RBMS3: variants seen among roughly 807,000 people sequenced by gnomAD.
RBMS3 encodes RNA binding motif single stranded interacting protein 3.
Under a neutral mutation model 66.8 loss-of-function variants are expected in RBMS3, and 27 were observed. The observed-to-expected ratio is 0.40, with a 90% CI of 0.30 to 0.56. The LOEUF (loss-of-function observed/expected upper bound fraction) is 0.56. Ranked by LOEUF, RBMS3 falls within the 20% of genes least tolerant of loss-of-function variation. The pLI, the probability that RBMS3 is intolerant of heterozygous loss-of-function variation, is 0.40. For missense variants in RBMS3, 513 were observed against 549.5 expected, an observed-to-expected ratio of 0.93 and a Z score of 0.66; for synonymous variants, 188 against 183.0, an observed-to-expected ratio of 1.03 and a Z score of -0.22.
At chr3:29,395,723 G>A (rs773445914) in intron 1 of RBMS3, among the ~76,000 whole-genome samples, 5 of 152,108 alleles carry the variant, frequency 3.3e-5, no homozygotes, top group Non-Finnish European at 5.9e-5. Flanking sequence ...ACAAAGACAT[G>A]TTTTAAACAT....
At chr3:29,309,012 T>C (rs2034206647) in intron 1 of RBMS3, among the ~76,000 whole-genome samples, 1 of 151,732 alleles carries the variant, frequency 6.6e-6, no homozygotes, top group African/African-American at 2.4e-5. Context: ...CAAGTCAGAA[T>C]TGAATTTATA....
At chr3:29,550,190 T>C (rs990389145) in intron 3 of RBMS3, among the ~76,000 whole-genome samples, 2 of 152,190 alleles carry the variant, frequency 1.3e-5, no homozygotes, top group African/African-American at 4.8e-5. Context: ...ACATTTCAGT[T>C]TTTTTCTGTG....
chr3:29,471,512 G>T (rs535840685), intron 2 of RBMS3, among the ~76,000 whole-genome samples: 1 of 152,206 alleles, frequency 6.6e-6, no homozygotes, highest in Non-Finnish European at 1.5e-5. Context: ...TCATTTTGTT[G>T]TTAGGTGAAT....
intron 6 of RBMS3, among the ~76,000 whole-genome samples, chr3:29,847,775 C>T (rs1236351237): frequency 6.6e-6 from 1 of 152,134 alleles, no homozygotes; most frequent in Non-Finnish European, 1.5e-5. Flanking sequence ...CCTGCCTCAG[C>T]CTCCCAAGTA....
rs1466360211 is a variant in RBMS3 at position 29,587,127 on chromosome 3, A to G, written c.321A>G (p.Val107=). 2 of 1,604,080 alleles carry G rather than the reference A, an allele frequency of 1.2e-6. No individual in the cohort carries two copies. The highest frequency in any genetic ancestry group is 2.3e-5 in the East Asian group (1 of 44,076). ...GTGTTTTCACAGGTTATGGTTTTGT[A>G]GATTTTGACAGTCCTGCAGCCGCAC... ...NTNQCKGYGF[V]DFDSPAAAQK... Residue 107 remains valine (V), a synonymous_variant, in exon 4 of 15, where the codon GTA becomes GTG. Transcript: ENST00000383767.
At chr3:29,580,020 TGTTTA>T (rs2047269387) in intron 3 of RBMS3, among the ~76,000 whole-genome samples, 1 of 152,226 alleles carries the variant, frequency 6.6e-6, no homozygotes. Context: ...TTTGAATTTG[TGTTTA>T]GTTTAATAAG....
chr3:29,659,278 G>A (rs1329714566), intron 4 of RBMS3, among the ~76,000 whole-genome samples: 1 of 152,122 alleles, frequency 6.6e-6, no homozygotes, highest in African/African-American at 2.4e-5. Context: ...ATAGTTTAGT[G>A]GTATTAAGTG....
At chr3:29,421,468 C>T (rs72853312) in intron 1 of RBMS3, among the ~76,000 whole-genome samples, 2 of 151,966 alleles carry the variant, frequency 1.3e-5, no homozygotes, top group South Asian at 4.2e-4. Flanking sequence ...TAGTTTATTT[C>T]TTGTATATAA....
intron 4 of RBMS3, among the ~76,000 whole-genome samples, chr3:29,670,774 C>T (rs528388574): frequency 7.4e-4 from 113 of 152,306 alleles, no homozygotes; most frequent in African/African-American, 2.5e-3. Context: ...GGGTGGAGCC[C>T]ACCCCAGCTC....
intron 3 of RBMS3, among the ~76,000 whole-genome samples, chr3:29,555,060 C>A (rs958139468): frequency 6.6e-6 from 1 of 152,134 alleles, no homozygotes; most frequent in African/African-American, 2.4e-5. Flanking sequence ...ATTCATAATT[C>A]ATGAGTATAT....
chr3:29,899,825 G>A (rs2060211998), intron 10 of RBMS3, 70 bp downstream of exon 10: 1 of 1,461,972 alleles, frequency 6.8e-7, no homozygotes, highest in South Asian at 1.2e-5. Flanking sequence ...ATGCATAGAA[G>A]CTTTGGGGTA....
intron 3 of RBMS3, among the ~76,000 whole-genome samples, chr3:29,579,611 G>T (rs1170611626): frequency 6.6e-6 from 1 of 152,130 alleles, no homozygotes; most frequent in Non-Finnish European, 1.5e-5. Flanking sequence ...TTATTAATAT[G>T]TTGGGCTTGC....
At chr3:29,693,380 A>G (rs1329367760) in intron 4 of RBMS3, among the ~76,000 whole-genome samples, 1 of 152,188 alleles carries the variant, frequency 6.6e-6, no homozygotes, top group African/African-American at 2.4e-5. Flanking sequence ...TTGAATGCAT[A>G]TACATACATG....
intron 3 of RBMS3, among the ~76,000 whole-genome samples, chr3:29,579,549 G>A (rs2047250887): frequency 6.6e-6 from 1 of 152,168 alleles, no homozygotes; most frequent in Non-Finnish European, 1.5e-5. Context: ...TATAATTAAA[G>A]TGTTCAGTCA....
chr3:29,773,028 A>G (rs527365433), intron 6 of RBMS3, among the ~76,000 whole-genome samples: 1 of 152,142 alleles, frequency 6.6e-6, no homozygotes, highest in African/African-American at 2.4e-5. Context: ...TGCTAATCTA[A>G]ATTCATGTAA....
Position 29,819,911 on chromosome 3 carries a change from G to C in RBMS3, c.638-48947G>C, listed in dbSNP as rs1004305483. 2.0e-5 allele frequency among the ~76,000 whole-genome samples: 3 copies of C among 152,182 alleles called. No individual in the cohort carries two copies. In the South Asian group the frequency reaches 6.2e-4, roughly 32 times the overall value. On this transcript the variant is annotated intron_variant, in intron 6 of 14. Coordinates refer to ENST00000383767, the MANE Select transcript of RBMS3 (RefSeq NM_001003793.3). ...CTACTCCTTATATAAAACATTAAGT[G>C]AGGCCAGGTGCAGTGGCCCATTTCT...
At chr3:29,768,521 C>G (rs2056033470) in intron 6 of RBMS3, among the ~76,000 whole-genome samples, 1 of 151,862 alleles carries the variant, frequency 6.6e-6, no homozygotes, top group Admixed American at 6.6e-5. Context: ...CTACTCTACC[C>G]ACCTGTGATT....
intron 12 of RBMS3, among the ~76,000 whole-genome samples, chr3:29,958,631 TTAAAACTCACACTACCGGCATTTG>T (rs770356836): frequency 6.6e-6 from 1 of 152,162 alleles, no homozygotes; most frequent in Non-Finnish European, 1.5e-5. Flanking sequence ...CCCGTTAGCT[TTAAAACTCACACTACCGGCATTTG>T]TGCTTGTCAA....
intron 6 of RBMS3, among the ~76,000 whole-genome samples, chr3:29,811,137 A>T (rs981536006): frequency 6.6e-6 from 1 of 152,200 alleles, no homozygotes; most frequent in Admixed American, 6.6e-5. Context: ...AAATATTTTC[A>T]GTCCCTGGGA....
Sources: gnomAD v4.1 joint callset for allele counts (sites outside exome capture counted in the v4.1 genomes callset) on GRCh38, gnomAD v4.1.1 for gene constraint, MANE v1.5 for transcripts, NCBI Gene and HGNC (gene_info 2026-07-23, HGNC 2026-07-21) for gene names.